Variants in ZMYM2 observed in about 807,000 individuals in gnomAD.
ZMYM2 encodes the protein zinc finger MYM-type protein 2.
Under a neutral mutation model 162.8 loss-of-function variants are expected in ZMYM2, and 56 were observed. The ratio of observed to expected loss-of-function variants is 0.34; its 90% confidence interval spans 0.28 to 0.43. ZMYM2 has a LOEUF of 0.43. Ranked by LOEUF, ZMYM2 falls within the 20% of genes least tolerant of loss-of-function variation. ZMYM2 has a pLI of 1.00. For missense variants in ZMYM2, 1,275 were observed against 1,621.8 expected, an observed-to-expected ratio of 0.79 and a Z score of 3.67; for synonymous variants, 510 against 541.6, an observed-to-expected ratio of 0.94 and a Z score of 0.81.
the ZMYM2 span, among the ~76,000 whole-genome samples, chr13:19,935,706 C>T: frequency 9.2e-5 from 14 of 151,808 alleles, no homozygotes; most frequent in African/African-American, 2.9e-4. Context: ...GGTGCAGTGG[C>T]GAGATCTCAA....
intron 7 of ZMYM2, among the ~76,000 whole-genome samples, chr13:20,022,778 C>T (rs1452229159): frequency 2.6e-5 from 4 of 151,880 alleles, no homozygotes; most frequent in Non-Finnish European, 4.4e-5. Context: ...ATAAATATTA[C>T]AATATTATGT....
intron 6 of ZMYM2, among the ~76,000 whole-genome samples, chr13:20,012,938 G>A (rs369310574): frequency 2.0e-5 from 3 of 152,110 alleles, no homozygotes; most frequent in East Asian, 3.8e-4. Flanking sequence ...GAATATTCTG[G>A]ACCCATTCTA....
chr13:19,921,519 T>G, the ZMYM2 span, among the ~76,000 whole-genome samples: 1 of 152,216 alleles, frequency 6.6e-6, no homozygotes, highest in African/African-American at 2.4e-5. Flanking sequence ...GAAACATTAT[T>G]GGTGAGTCTT....
rs1053587428 is a variant in ZMYM2 at position 20,067,327 on chromosome 13, A to T, written c.3390A>T (p.Arg1130=). The T allele has an allele frequency of 6.2e-7, 1 of 1,609,846 alleles. No homozygotes were observed. The highest frequency in any genetic ancestry group is 1.3e-5 in the African/African-American group (1 of 74,998). The change falls in exon 21 of 25, where the codon CGA becomes CGT. Residue 1130 remains arginine (R), a synonymous_variant. Transcript: ENST00000610343. The part of the protein sequence containing the change: ...YGLAHFVNEI[R]RPNGENYAPD... The stretch of plus-strand genomic sequence containing the variant: ...TAGCTCATTTTGTCAATGAGATCCG[A>T]CGGCCAAATGGAGAGAATTATGCAC...
At chr13:19,985,572 T>A (rs1949065935) in intron 2 of ZMYM2, among the ~76,000 whole-genome samples, 1 of 152,052 alleles carries the variant, frequency 6.6e-6, no homozygotes, top group Non-Finnish European at 1.5e-5. Context: ...CCAGGCACAG[T>A]GGCGCCTGTA....
chr13:19,958,269 G>T (rs767436252), upstream of ZMYM2, among the ~76,000 whole-genome samples: 1 of 152,194 alleles, frequency 6.6e-6, no homozygotes, highest in Non-Finnish European at 1.5e-5. Context: ...CATCGAGGCC[G>T]CGGCTCTCCT....
chr13:19,963,119 G>A lies in ZMYM2; in HGVS notation c.-11+3093G>A, dbSNP rs1408305931. Among the ~76,000 whole-genome samples the A allele has an allele frequency of 2.6e-5, 4 of 152,160 alleles. No individual in the cohort carries two copies. The East Asian group carries it at 7.7e-4, about 29-fold the overall frequency. On this transcript the variant is annotated intron_variant, in intron 2 of 24. Coordinates refer to ENST00000610343, the MANE Select transcript of ZMYM2 (RefSeq NM_197968.4). The stretch of plus-strand genomic sequence containing the variant: ...CTTCCAGAGTGCTGAGATTACAGGC[G>A]TGAGCCACCGTGCCGGCCTGCATGT...
At chr13:19,971,262 A>ATATTT (rs1329532735) in intron 2 of ZMYM2, among the ~76,000 whole-genome samples, 15 of 78,332 alleles carry the variant, frequency 1.9e-4, no homozygotes, top group African/African-American at 3.2e-4. Context: ...ATATATATAT[A>ATATTT]TTTTTTTTTT....
chr13:20,047,191 T>G (rs1338519782), intron 12 of ZMYM2, among the ~76,000 whole-genome samples: 1 of 152,214 alleles, frequency 6.6e-6, no homozygotes, highest in Non-Finnish European at 1.5e-5. Flanking sequence ...TCATCCTTGG[T>G]TTTGCTGCCT....
intron 21 of ZMYM2, among the ~76,000 whole-genome samples, chr13:20,077,838 A>C (rs1333642169): frequency 8.5e-6 from 1 of 118,076 alleles, no homozygotes; most frequent in East Asian, 2.9e-4. Flanking sequence ...AAAGGTTTTA[A>C]GTTTTTTTCT....
At chr13:20,064,994 G>A (rs1956562628) in intron 19 of ZMYM2, among the ~76,000 whole-genome samples, 1 of 151,958 alleles carries the variant, frequency 6.6e-6, no homozygotes, top group South Asian at 2.1e-4. Context: ...ATGATCAGTG[G>A]GGTTGAAGTA....
rs374055492 is a variant in ZMYM2, at chr13:19,973,843, A to AT, written c.-11+13827dup. On this transcript the variant is annotated intron_variant, in intron 2 of 24. Transcript: ENST00000610343. ...GTAAACCTTCTTAAAACATTGTGAG[A>AT]TTTTTTTTTTGGATTTTAGTTGTTG... Among the ~76,000 whole-genome samples the AT allele has an allele frequency of 1.4e-3, 215 of 149,794 alleles. 1 individual carries two copies. In the Middle Eastern group the frequency reaches 0.017, roughly 12 times the overall value.
intron 14 of ZMYM2, 78 bp downstream of exon 14, chr13:20,052,389 G>C: frequency 7.5e-7 from 1 of 1,339,340 alleles, no homozygotes; most frequent in Non-Finnish European, 1.0e-6. Context: ...AATTTAATGT[G>C]ATCATAATAG....
the ZMYM2 span, among the ~76,000 whole-genome samples, chr13:19,924,136 T>C: frequency 6.6e-6 from 1 of 152,198 alleles, no homozygotes; most frequent in Admixed American, 6.6e-5. Flanking sequence ...CTTTTTAATC[T>C]TGCAAAACTG....
upstream of ZMYM2, among the ~76,000 whole-genome samples, chr13:19,954,147 T>TTTTTTTTTTTTTTTTTC (rs1954472661): frequency 7.3e-6 from 1 of 137,672 alleles, no homozygotes; most frequent in Non-Finnish European, 1.6e-5. Context: ...TTTTTTTTTT[T>TTTTTTTTTTTTTTTTTC]AGACGGAGTC....
At chr13:19,888,024 G>T in the ZMYM2 span, among the ~76,000 whole-genome samples, 1 of 151,602 alleles carries the variant, frequency 6.6e-6, no homozygotes, top group Non-Finnish European at 1.5e-5. Context: ...TGGGACTACA[G>T]GTGTGCCACC....
At chr13:20,031,087 A>G (rs776187049) in intron 9 of ZMYM2, among the ~76,000 whole-genome samples, 1 of 152,048 alleles carries the variant, frequency 6.6e-6, no homozygotes, top group Non-Finnish European at 1.5e-5. Flanking sequence ...ATTTTTTCTT[A>G]TTTTAGGTAA....
chr13:20,036,960 T>C, intron 12 of ZMYM2, 51 bp downstream of exon 12: 1 of 1,483,288 alleles, frequency 6.7e-7, no homozygotes, highest in Non-Finnish European at 9.0e-7. Context: ...TTAAAAAACG[T>C]TGTAGCTGTT....
At chr13:19,921,620 A>AT in the ZMYM2 span, among the ~76,000 whole-genome samples, 3 of 152,110 alleles carry the variant, frequency 2.0e-5, no homozygotes, top group African/African-American at 7.2e-5. Context: ...GTATACACTT[A>AT]TTTTTTAAAA....
Sources: gnomAD v4.1 joint callset for allele counts (sites outside exome capture counted in the v4.1 genomes callset) on GRCh38, gnomAD v4.1.1 for gene constraint, MANE v1.5 for transcripts, NCBI Gene and HGNC (gene_info 2026-07-23, HGNC 2026-07-21) for gene names.